SLC66A3: variants seen among roughly 807,000 people sequenced by gnomAD.
SLC66A3 encodes the protein PQ loop repeat containing 3.
A neutral mutation model predicts 25.5 loss-of-function variants in SLC66A3; 23 were observed. That is an observed-to-expected ratio of 0.90 (90% confidence interval 0.65 to 1.28). The LOEUF is 1.28. SLC66A3 is among the 50% of genes most tolerant of loss of function. The probability of loss-of-function intolerance (pLI) is 0.00; values close to 1 mark genes in which losing one functional copy is unlikely to be tolerated. For synonymous variants in SLC66A3, 108 were observed against 112.6 expected, an observed-to-expected ratio of 0.96 and a Z score of 0.26; for missense variants, 246 against 262.1, an observed-to-expected ratio of 0.94 and a Z score of 0.42.
At chr2:11,165,981 G>C (rs981112486) in intron 4 of SLC66A3, among the ~76,000 whole-genome samples, 2 of 152,314 alleles carry the variant, frequency 1.3e-5, no homozygotes, top group Admixed American at 1.3e-4. Context: ...GTCCAGCTTC[G>C]GCTCGGCATC....
At position 11,155,648 on chromosome 2, in the gene SLC66A3, G is replaced by C. The variant is rs777721496; in HGVS notation, c.102G>C (p.Ala34=). 6.7e-7 allele frequency: 1 copy of C among 1,498,222 alleles called. No individual in the cohort carries two copies. The highest frequency in any genetic ancestry group is 1.3e-5 in the South Asian group (1 of 79,210). The allele number at this position is 1,498,222 out of a possible 1,614,324, so 92.8% of individuals were successfully genotyped here. The change falls in exon 1 of 7, where the codon GCG becomes GCC. Residue 34 remains alanine (A), a synonymous_variant. Coordinates refer to ENST00000295083, the MANE Select transcript of SLC66A3 (RefSeq NM_152391.5). ...CCGCTGTGCTAGCGGCGCGCAGCGCGCGGGGCCTCAGCCTTCCGAGTTTAC... is the reference window on the plus strand; with the variant it reads ...CCGCTGTGCTAGCGGCGCGCAGCGCCCGGGGCCTCAGCCTTCCGAGTTTAC... ...QISAVLAARS[A]RGLSLPSLLL... is the part of the protein sequence containing the mutation.
rs535118308 is a variant in SLC66A3 at position 11,174,106 on chromosome 2, C to T, written c.476-862C>T. On this transcript the variant is annotated intron_variant, in intron 5 of 6. Coordinates refer to ENST00000295083, the MANE Select transcript of SLC66A3 (RefSeq NM_152391.5). ...AGTAGCTGGGATTATTACAGGTGCCCGCCACCACACCCAGCTAATTTTTGT... is the reference window on the plus strand; with the variant it reads ...AGTAGCTGGGATTATTACAGGTGCCTGCCACCACACCCAGCTAATTTTTGT... Among the ~76,000 whole-genome samples, 13 of 152,098 alleles carry T rather than the reference C, an allele frequency of 8.5e-5. No individual in the cohort carries two copies. In the East Asian group the frequency reaches 1.5e-3, roughly 18 times the overall value.
Position 11,157,088 on chromosome 2 carries a change from C to T in SLC66A3, c.143+1399C>T, listed in dbSNP as rs1318216640. On this transcript the variant is annotated intron_variant, in intron 1 of 6. Transcript: ENST00000295083. The stretch of plus-strand genomic sequence containing the variant: ...GTAGAGTCTATAGATTCCCTCCTGC[C>T]GCCAGCCCCTAGGCCTGCATTTCCA... Among the ~76,000 whole-genome samples, 4 of 152,152 alleles carry T rather than the reference C, an allele frequency of 2.6e-5. No individual in the cohort carries two copies. In the South Asian group the frequency reaches 6.2e-4, roughly 24 times the overall value.
Position 11,155,646 on chromosome 2 carries a change from G to C in SLC66A3, c.100G>C (p.Ala34Pro), listed in dbSNP as rs1451600845. The C allele has an allele frequency of 8.7e-6, 13 of 1,500,102 alleles. No individual in the cohort carries two copies. The highest frequency in any genetic ancestry group is 1.1e-5 in the Non-Finnish European group (12 of 1,134,700). The allele number at this position is 1,500,102 out of a possible 1,614,324, so 92.9% of individuals were successfully genotyped here. Residue 34 changes from alanine (A) to proline (P), a missense_variant, in exon 1 of 7, where the codon GCG becomes CCG. Ala to Pro is a conservative substitution (Grantham distance 27). Around this residue, in one of 3 missense-constraint regions of SLC66A3, gnomAD observed 142 missense variants for 130.3 expected, o/e 1.09. Coordinates refer to ENST00000295083, the MANE Select transcript of SLC66A3 (RefSeq NM_152391.5). ...QISAVLAARS[A>P]RGLSLPSLLL... ...CTCCGCTGTGCTAGCGGCGCGCAGCGCGCGGGGCCTCAGCCTTCCGAGTTT... is the reference window on the plus strand; with the variant it reads ...CTCCGCTGTGCTAGCGGCGCGCAGCCCGCGGGGCCTCAGCCTTCCGAGTTT...
Position 11,178,016 on chromosome 2 carries a change from C to G in SLC66A3, c.*188C>G. 3.6e-6 allele frequency: 2 copies of G among 559,516 alleles called. No homozygotes were observed. The highest frequency in any genetic ancestry group is 4.4e-5 in the South Asian group (2 of 45,242). The allele number at this position is 559,516 out of a possible 1,614,324, so 34.7% of individuals were successfully genotyped here. ...GTTTAAAAATACCAATTTGCCTCCT[C>G]CTTCCTCACTTCGTTAGGTTATGGT... On this transcript the variant is annotated 3_prime_UTR_variant, in exon 7 of 7. Coordinates refer to ENST00000295083, the MANE Select transcript of SLC66A3 (RefSeq NM_152391.5).
At chr2:11,159,981 A>AAT (rs1662054614) in intron 1 of SLC66A3, among the ~76,000 whole-genome samples, 1 of 152,054 alleles carries the variant, frequency 6.6e-6, no homozygotes, top group Non-Finnish European at 1.5e-5. Flanking sequence ...TCTAACTCTA[A>AAT]AAACACGGCC....
chr2:11,159,910 C>T (rs888068070), intron 1 of SLC66A3, among the ~76,000 whole-genome samples: 2 of 152,196 alleles, frequency 1.3e-5, no homozygotes, highest in African/African-American at 4.8e-5. Context: ...TCACGCTTTC[C>T]CCCACTGCCC....
intron 6 of SLC66A3, among the ~76,000 whole-genome samples, chr2:11,177,469 AAAAAGTT>A (rs978025374): frequency 2.6e-5 from 4 of 152,152 alleles, no homozygotes; most frequent in East Asian, 1.9e-4. Context: ...AAAAAAAAAA[AAAAAGTT>A]AAAAGTTATA....
chr2:11,172,068 G>A (rs535139796), intron 5 of SLC66A3, 23 bp downstream of exon 5: 2 of 1,612,320 alleles, frequency 1.2e-6, no homozygotes, highest in African/African-American at 1.3e-5. Flanking sequence ...CTCACATGGT[G>A]GGGAGGCCTT....
rs1662849920 is a variant in SLC66A3, at chr2:11,178,513, T to C, written c.*685T>C. 6.6e-6 allele frequency: 1 copy of C among 152,626 alleles called. No homozygotes were observed. Among genetic ancestry groups the C allele is most frequent in the Non-Finnish European group, 1.5e-5 (1 of 68,026 alleles). 9.5% of individuals were successfully genotyped at this position (152,626 alleles called of 1,614,324 possible). On this transcript the variant is annotated 3_prime_UTR_variant, in exon 7 of 7. Transcript: ENST00000295083. ...TTTCGATGAGGAAATCCCAGTAAGC[T>C]TTCTGATTCAAGTACAATGCTGCCA...
At chr2:11,165,257 T>A (rs919273589) in intron 4 of SLC66A3, among the ~76,000 whole-genome samples, 1 of 133,526 alleles carries the variant, frequency 7.5e-6, no homozygotes, top group Non-Finnish European at 1.6e-5. Flanking sequence ...GCTCCTCACT[T>A]CTCAGAGGGG....
chr2:11,159,335 G>GC (rs1662030246), intron 1 of SLC66A3, among the ~76,000 whole-genome samples: 1 of 152,184 alleles, frequency 6.6e-6, no homozygotes, highest in Non-Finnish European at 1.5e-5. Flanking sequence ...CGGCAGGGCA[G>GC]GGCAGAGGCA....
rs541806283 is a variant in SLC66A3, at chr2:11,164,345, A to ATTT, written c.354+95_354+97dup. On this transcript the variant is annotated intron_variant, in intron 4 of 6. Coordinates refer to ENST00000295083, the MANE Select transcript of SLC66A3 (RefSeq NM_152391.5). ...TAGATATTTATATATATATATATATATTTTTTTTTTTTTGAAATGGAGTTT... is the reference window on the plus strand; with the variant it reads ...TAGATATTTATATATATATATATATATTTTTTTTTTTTTTTTGAAATGGAGTTT... The ATTT allele has an allele frequency of 4.5e-3, 417 of 92,724 alleles. 13 individuals are homozygous for ATTT. Among genetic ancestry groups the ATTT allele is most frequent in the African/African-American group, 0.013 (290 of 21,754 alleles). 5.7% of individuals were successfully genotyped at this position (92,724 alleles called of 1,614,324 possible). A position where few individuals can be genotyped will look rare whatever the true frequency, so the allele number is the denominator to read the frequency against.
intron 3 of SLC66A3, among the ~76,000 whole-genome samples, chr2:11,163,250 C>T (rs1005220449): frequency 6.6e-6 from 1 of 152,140 alleles, no homozygotes; most frequent in African/African-American, 2.4e-5. Context: ...ATCTCAGGAG[C>T]TCCTACTATT....
intron 3 of SLC66A3, among the ~76,000 whole-genome samples, chr2:11,162,599 TTTTTA>T (rs1394032166): frequency 2.0e-5 from 3 of 152,078 alleles, no homozygotes; most frequent in South Asian, 2.1e-4. Context: ...AATACTTTTA[TTTTTA>T]TTTTATTTTA....
intron 4 of SLC66A3, among the ~76,000 whole-genome samples, chr2:11,166,648 T>G (rs193164981): frequency 7.9e-5 from 12 of 152,270 alleles, no homozygotes; most frequent in African/African-American, 9.6e-5. Flanking sequence ...CTCAGCACCT[T>G]GGGAGGCCGA....
In SLC66A3 at chr2:11,168,145, T is replaced by C. The variant is rs373853595; in HGVS notation, c.355-3780T>C. ...AATATATAAAAAAAAATTAGCCGGG[T>C]GTGGTGGCGGGCACCTGTAGTCCCA... On this transcript the variant is annotated intron_variant, in intron 4 of 6. Coordinates refer to ENST00000295083, the MANE Select transcript of SLC66A3 (RefSeq NM_152391.5). Among the ~76,000 whole-genome samples, 25 of 151,772 alleles carry C rather than the reference T, an allele frequency of 1.6e-4. No homozygotes were observed. The East Asian group carries it at 1.9e-3, about 12-fold the overall frequency.
In SLC66A3 at chr2:11,160,605, T is replaced by G. The variant is rs1371339278; in HGVS notation, c.227-20T>G. The G allele has an allele frequency of 6.2e-7, 1 of 1,614,136 alleles. No individual in the cohort carries two copies. Among genetic ancestry groups the G allele is most frequent in the Admixed American group, 1.7e-5 (1 of 60,014 alleles). ...CACGGGTCTCCCCTTCCCCCCTCAC[T>G]CGGAGCCTCTCTCTTTCAGATGTCA... On this transcript the variant is annotated intron_variant, in intron 2 of 6. Transcript: ENST00000295083.
chr2:11,167,088 C>T (rs189043656), intron 4 of SLC66A3, among the ~76,000 whole-genome samples: 9 of 152,320 alleles, frequency 5.9e-5, no homozygotes, highest in Middle Eastern at 3.4e-3. Flanking sequence ...TATTAGCCCC[C>T]ATACAGCAGC....
Sources: allele counts gnomAD v4.1 joint callset (sites outside exome capture counted in the v4.1 genomes callset), GRCh38; gene constraint gnomAD v4.1.1; regional missense constraint gnomAD v4.1.1; transcripts MANE v1.5; gene names NCBI Gene and HGNC (gene_info 2026-07-23, HGNC 2026-07-21).